Variants in RNF122 observed in about 807,000 individuals in gnomAD.
The protein encoded by RNF122 is ring finger protein 122.
A neutral mutation model predicts 24.2 loss-of-function variants in RNF122; 17 were observed. That is an observed-to-expected ratio of 0.70 (90% CI 0.48 to 1.06). The LOEUF is 1.06. RNF122 is among the 50% of genes least tolerant of loss of function. The pLI, the probability that RNF122 is intolerant of heterozygous loss-of-function variation, is 0.00. For missense variants in RNF122, 168 were observed against 198.1 expected, an observed-to-expected ratio of 0.85 and a Z score of 0.91; for synonymous variants, 65 against 71.8, an observed-to-expected ratio of 0.91 and a Z score of 0.48.
At chr8:33,564,226 G>C (rs1472504006) in intron 1 of RNF122, among the ~76,000 whole-genome samples, 1 of 152,116 alleles carries the variant, frequency 6.6e-6, no homozygotes, top group Non-Finnish European at 1.5e-5. Context: ...GGAGTCAAAG[G>C]ACAGGATCTC....
At chr8:33,556,420 G>T (rs1333256266) in intron 2 of RNF122, among the ~76,000 whole-genome samples, 1 of 152,142 alleles carries the variant, frequency 6.6e-6, no homozygotes, top group African/African-American at 2.4e-5. Flanking sequence ...GGCCTAGATG[G>T]TCTCTTGAAG....
chr8:33,548,971 A>C (rs1810330884), intron 5 of RNF122, 104 bp from the exon 6 acceptor site: 1 of 851,696 alleles, frequency 1.2e-6, no homozygotes, highest in African/African-American at 1.7e-5. Flanking sequence ...CTGTAATCCC[A>C]GCACTTTGGG....
Position 33,548,809 on chromosome 8 carries a change from C to CT in RNF122, c.411_412insA (p.Ala138SerfsTer2), listed in dbSNP as rs1385178766. ...TTCTGCGTGGCCTCTGAGGGACTAG[C>CT]AATGGGCTTGTTACACATGGGGCAG... is the stretch of plus-strand genomic sequence containing the variant. On this transcript the variant is annotated frameshift_variant, in exon 6 of 6. Coordinates refer to ENST00000256257, the MANE Select transcript of RNF122 (RefSeq NM_024787.3). LOFTEE classifies it high-confidence loss of function. 1 of 1,614,038 alleles carries CT rather than the reference C, an allele frequency of 6.2e-7. No homozygotes were observed.
At chr8:33,550,965 G>T in intron 4 of RNF122, 79 bp downstream of exon 4, 1 of 1,404,492 alleles carries the variant, frequency 7.1e-7, no homozygotes, top group South Asian at 1.2e-5. Flanking sequence ...TCTGAAAAGC[G>T]TCCAGGCAGA....
intron 5 of RNF122, 36 bp from the exon 6 acceptor site, chr8:33,548,903 A>G (rs780891005): frequency 7.2e-7 from 1 of 1,392,456 alleles, no homozygotes. Flanking sequence ...CTCTAACCAG[A>G]CAGACCACGC....
intron 2 of RNF122, among the ~76,000 whole-genome samples, chr8:33,551,597 C>A (rs1161784546): frequency 6.6e-6 from 1 of 152,134 alleles, no homozygotes; most frequent in Admixed American, 6.6e-5. Context: ...CCTCAAAATT[C>A]ACCACCAGGT....
intron 1 of RNF122, among the ~76,000 whole-genome samples, chr8:33,563,733 C>T (rs1563371073): frequency 6.6e-6 from 1 of 152,146 alleles, no homozygotes; most frequent in Non-Finnish European, 1.5e-5. Flanking sequence ...TCACCTCCTT[C>T]CCCCGCACTA....
intron 1 of RNF122, among the ~76,000 whole-genome samples, chr8:33,560,021 T>C (rs1243135073): frequency 1.3e-5 from 2 of 152,034 alleles, no homozygotes; most frequent in African/African-American, 4.8e-5. Context: ...TTTGAATTTT[T>C]AGTAGAGATG....
intron 1 of RNF122, among the ~76,000 whole-genome samples, chr8:33,561,149 C>T (rs553224097): frequency 3.9e-4 from 59 of 152,222 alleles, no homozygotes; most frequent in African/African-American, 1.3e-3. Context: ...TTTAGTAACT[C>T]GCCCACAGTC....
chr8:33,564,391 GATTAATTA>G (rs72184063), intron 1 of RNF122, among the ~76,000 whole-genome samples: 4 of 150,976 alleles, frequency 2.6e-5, no homozygotes, highest in East Asian at 2.0e-4. Context: ...CCAAAAAGTA[GATTAATTA>G]ATTAATTAAT....
In RNF122 at chr8:33,551,033, G is replaced by A. The variant is rs1252952640; in HGVS notation, c.270+11C>T. 2.5e-6 allele frequency: 4 copies of A among 1,613,732 alleles called. No homozygotes were observed. Among genetic ancestry groups the A allele is most frequent in the Non-Finnish European group, 3.4e-6 (4 of 1,179,726 alleles). ...CTGGGGCCCTCCTGCACACTTTCCT[G>A]GCACACTTACCCCATATAATTGTAA... is the stretch of plus-strand genomic sequence containing the variant. On this transcript the variant is annotated intron_variant, in intron 4 of 5. Coordinates refer to ENST00000256257, the MANE Select transcript of RNF122 (RefSeq NM_024787.3).
intron 1 of RNF122, among the ~76,000 whole-genome samples, chr8:33,564,155 C>T (rs1276117461): frequency 1.3e-5 from 2 of 152,016 alleles, no homozygotes; most frequent in Admixed American, 1.3e-4. Flanking sequence ...GAATACCAGC[C>T]CCAGGAAAGA....
In RNF122 at chr8:33,553,685, G is replaced by C. The variant is rs1042831770; in HGVS notation, c.183-2296C>G. ...AATCACAAACAGCCCCAGTGGAAGGGGGTGGGGTGAGAAGCTGAAGCTGCT... is the reference window on the plus strand; with the variant it reads ...AATCACAAACAGCCCCAGTGGAAGGCGGTGGGGTGAGAAGCTGAAGCTGCT... On this transcript the variant is annotated intron_variant, in intron 2 of 5. Transcript: ENST00000256257. Among the ~76,000 whole-genome samples the C allele has an allele frequency of 2.0e-5, 3 of 152,352 alleles. No individual in the cohort carries two copies. In the South Asian group the frequency reaches 6.2e-4, roughly 32 times the overall value.
chr8:33,562,175 G>A (rs889393548), intron 1 of RNF122, among the ~76,000 whole-genome samples: 7 of 152,060 alleles, frequency 4.6e-5, no homozygotes, highest in African/African-American at 7.2e-5. Flanking sequence ...GTCTTACATC[G>A]TTCCTAGCAT....
intron 2 of RNF122, among the ~76,000 whole-genome samples, chr8:33,553,096 C>T (rs1340256484): frequency 2.1e-5 from 3 of 142,704 alleles, no homozygotes; most frequent in Non-Finnish European, 4.6e-5. Context: ...AAAAAGAATG[C>T]CTCCTCTATG....
intron 2 of RNF122, among the ~76,000 whole-genome samples, chr8:33,557,627 CAA>C (rs35010890): frequency 7.0e-4 from 91 of 129,812 alleles, no homozygotes; most frequent in Non-Finnish European, 6.9e-4. Flanking sequence ...GACACCGTCT[CAA>C]AAAAAAAAAA....
chr8:33,554,828 T>C lies in RNF122; in HGVS notation c.183-3439A>G, dbSNP rs903171370. Among the ~76,000 whole-genome samples, 9 of 152,184 alleles carry C rather than the reference T, an allele frequency of 5.9e-5. No individual in the cohort carries two copies. In the East Asian group the frequency reaches 1.7e-3, roughly 29 times the overall value. On this transcript the variant is annotated intron_variant, in intron 2 of 5. Coordinates refer to ENST00000256257, the MANE Select transcript of RNF122 (RefSeq NM_024787.3). ...TATTTGTACTTCCCCGGCCCCTCCA[T>C]TCCTGTGTAGGGCAGAGGTCAGCTC... is the stretch of plus-strand genomic sequence containing the variant.
intron 2 of RNF122, among the ~76,000 whole-genome samples, chr8:33,556,103 C>G (rs1023126332): frequency 6.8e-6 from 1 of 147,504 alleles, no homozygotes; most frequent in Non-Finnish European, 1.5e-5. Context: ...TGGCTTGGGC[C>G]CGGGAGGTGG....
chr8:33,566,733 C>A lies in RNF122; in HGVS notation c.-10G>T, dbSNP rs1246939141. The A allele has an allele frequency of 6.2e-7, 1 of 1,604,270 alleles. No homozygotes were observed. The highest frequency in any genetic ancestry group is 1.1e-5 in the South Asian group (1 of 88,850). ...ACTGGAATGGGTGCATCAATGAAGT[C>A]GCGGTTGGCTTCCTCGGGCGAACGG... On this transcript the variant is annotated 5_prime_UTR_variant, in exon 1 of 6. Transcript: ENST00000256257.
Sources: allele counts gnomAD v4.1 joint callset (sites outside exome capture counted in the v4.1 genomes callset), GRCh38; gene constraint gnomAD v4.1.1; transcripts MANE v1.5; gene names NCBI Gene and HGNC (gene_info 2026-07-23, HGNC 2026-07-21).